RBM17: variants seen among roughly 807,000 people sequenced by gnomAD.
RBM17 encodes the protein splicing factor 45.
Under a neutral mutation model 53.2 loss-of-function variants are expected in RBM17, and 7 were observed. That is an observed-to-expected ratio of 0.13 (90% CI 0.07 to 0.25). The LOEUF is 0.25. Among genes scored for constraint, RBM17 ranks in the 10% least tolerant of loss-of-function variants. The pLI is 1.00. For missense variants in RBM17, 257 were observed against 496.7 expected (o/e 0.52, Z 4.59); for synonymous variants, 167 against 178.1 (o/e 0.94, Z 0.50).
At chr10:6,109,357 T>C (rs1449088938) in intron 6 of RBM17, among the ~76,000 whole-genome samples, 4 of 152,236 alleles carry the variant, frequency 2.6e-5, no homozygotes, top group Non-Finnish European at 5.9e-5. Flanking sequence ...TTAAAACTTG[T>C]TGAATTCTTT....
At chr10:6,093,250 A>G (rs1166076346) in intron 1 of RBM17, among the ~76,000 whole-genome samples, 5 of 151,960 alleles carry the variant, frequency 3.3e-5, no homozygotes, top group South Asian at 4.1e-4. Flanking sequence ...GTCTCGCTCT[A>G]TCATCCAGGC....
Position 6,108,714 on chromosome 10 carries a change from C to A in RBM17, c.534C>A (p.Pro178=), listed in dbSNP as rs12264240. ...TGGGCGGAGCTGCCATTGCCCCACC[C>A]ACTTCTCTGGTAGAGAAAGACAAAG... ...RSMGGAAIAP[P]TSLVEKDKEL... is the part of the protein sequence containing the mutation. Residue 178 remains proline (P), a synonymous_variant, in exon 6 of 12, where the codon CCC becomes CCA. Transcript: ENST00000379888. 6.9e-3 allele frequency: 11,150 copies of A among 1,612,534 alleles called. 226 individuals carry two copies. Among genetic ancestry groups the A allele is most frequent in the Admixed American group, 0.049 (2,942 of 59,964 alleles).
chr10:6,110,560 A>G (rs1349879727), intron 7 of RBM17, among the ~76,000 whole-genome samples: 1 of 152,134 alleles, frequency 6.6e-6, no homozygotes, highest in African/African-American at 2.4e-5. Flanking sequence ...CATTCTAACT[A>G]CAAGTTGACA....
intron 4 of RBM17, among the ~76,000 whole-genome samples, chr10:6,105,710 G>A (rs1564568034): frequency 1.3e-5 from 2 of 152,166 alleles, no homozygotes; most frequent in African/African-American, 2.4e-5. Context: ...GTAGTAGGAT[G>A]TATTTGTAGT....
chr10:6,092,404 G>A (rs1329693241), intron 1 of RBM17, among the ~76,000 whole-genome samples: 2 of 152,152 alleles, frequency 1.3e-5, no homozygotes, highest in African/African-American at 2.4e-5. Context: ...GCTTAATATA[G>A]CGAAAATAAA....
At chr10:6,103,558 T>G (rs1840701043) in intron 3 of RBM17, among the ~76,000 whole-genome samples, 1 of 152,254 alleles carries the variant, frequency 6.6e-6, no homozygotes, top group Non-Finnish European at 1.5e-5. Flanking sequence ...TTTTGTATTT[T>G]TTAAATGTCT....
rs145588908 is a variant in RBM17 at position 6,113,555 on chromosome 10, T to C, written c.904T>C (p.Cys302Arg). 1 of 1,613,128 alleles carries C rather than the reference T, an allele frequency of 6.2e-7. No homozygotes were observed. Among genetic ancestry groups the C allele is most frequent in the African/African-American group, 1.3e-5 (1 of 74,920 alleles). The change falls in exon 9 of 12, where the codon TGT becomes CGT. Residue 302 changes from cysteine to arginine, a missense_variant. Cys to Arg is a radical substitution (Grantham distance 180). This residue lies in a region of RBM17 where 49 missense variants were observed against 114.8 expected (regional missense o/e 0.43). Coordinates refer to ENST00000379888, the MANE Select transcript of RBM17 (RefSeq NM_032905.5). ...AAATCCGCTGACTGAAATACTTAAG[T>C]GTCCTACTAAAGTGGTCTTACTAAG... ...DSNPLTEILK[C>R]PTKVVLLRNM...
In RBM17 at chr10:6,115,321, A is replaced by G. The variant is rs764877166; in HGVS notation, c.1102+10A>G. The G allele has an allele frequency of 6.2e-7, 1 of 1,600,952 alleles. No homozygotes were observed. Among genetic ancestry groups the G allele is most frequent in the Non-Finnish European group, 8.6e-7 (1 of 1,168,564 alleles). ...GAATCAGCAATTAAAGGTTAGTGGT[A>G]CAGCTAAATATTAAAGAATAAAAAA... On this transcript the variant is annotated intron_variant, in intron 11 of 11. Transcript: ENST00000379888.
rs1221504658 is a variant in RBM17 at position 6,098,556 on chromosome 10, G to GTTTTTTTTTTTTTT, written c.123+1374_123+1375insTTTTTTTTTTTTTT. On this transcript the variant is annotated intron_variant, in intron 2 of 11. Transcript: ENST00000379888. Reference sequence around the variant, plus strand: ...GTTTGAAAATTTCCGTAATACACAGGTTTTTTGTTTTTTTTTTTTTTTTTT... The same window carrying GTTTTTTTTTTTTTT: ...GTTTGAAAATTTCCGTAATACACAGGTTTTTTTTTTTTTTTTTTTTGTTTTTTTTTTTTTTTTTT... Among the ~76,000 whole-genome samples the GTTTTTTTTTTTTTT allele has an allele frequency of 2.3e-4, 20 of 87,970 alleles. 3 individuals are homozygous for GTTTTTTTTTTTTTT. Among genetic ancestry groups the GTTTTTTTTTTTTTT allele is most frequent in the African/African-American group, 2.4e-4 (6 of 24,766 alleles). 57.7% of individuals were successfully genotyped at this position (87,970 alleles called of 152,430 possible).
intron 5 of RBM17, 159 bp downstream of exon 5, chr10:6,106,397 A>C: frequency 1.8e-6 from 1 of 568,208 alleles, no homozygotes; most frequent in Non-Finnish European, 3.2e-6. Flanking sequence ...TCACAGTTTT[A>C]ATTTATATTG....
chr10:6,105,215 A>G (rs1840730622), intron 4 of RBM17, 118 bp downstream of exon 4: 1 of 860,218 alleles, frequency 1.2e-6, no homozygotes, highest in Non-Finnish European at 1.8e-6. Context: ...TGATCTGAGC[A>G]GTCACTACAA....
In RBM17 at chr10:6,115,887, A is replaced by C. The variant is rs1004896254; in HGVS notation, c.*331A>C. ...TTTCTTGCACTAAAAAAAAAAAAAAAAAAAAAACTAGAAAGTTTTGGGACA... is the reference window on the plus strand; with the variant it reads ...TTTCTTGCACTAAAAAAAAAAAAAACAAAAAAACTAGAAAGTTTTGGGACA... On this transcript the variant is annotated 3_prime_UTR_variant, in exon 12 of 12. Transcript: ENST00000379888. The C allele has an allele frequency of 5.6e-6, 1 of 180,170 alleles. No individual in the cohort carries two copies. The highest frequency in any genetic ancestry group is 2.4e-5 in the African/African-American group (1 of 42,324). The allele number at this position is 180,170 out of a possible 1,614,324, so 11.2% of individuals were successfully genotyped here.
chr10:6,108,836 T>C (rs1840794280), intron 6 of RBM17, 94 bp downstream of exon 6: 3 of 958,454 alleles, frequency 3.1e-6, no homozygotes, highest in Non-Finnish European at 4.8e-6. Flanking sequence ...TTCCTGAGCG[T>C]AGAGGGAAAC....
chr10:6,107,912 G>T (rs185546332), intron 5 of RBM17, among the ~76,000 whole-genome samples: 4 of 152,136 alleles, frequency 2.6e-5, no homozygotes, highest in South Asian at 2.1e-4. Context: ...GTAATATTAT[G>T]TATACGTAAT....
chr10:6,098,783 C>T (rs547427298), intron 2 of RBM17, among the ~76,000 whole-genome samples: 9 of 152,090 alleles, frequency 5.9e-5, no homozygotes, highest in Admixed American at 2.6e-4. Flanking sequence ...TTCCTGACCT[C>T]GTGATCCGCC....
chr10:6,105,131 A>C, intron 4 of RBM17, 34 bp downstream of exon 4: 2 of 1,596,076 alleles, frequency 1.3e-6, no homozygotes, highest in Non-Finnish European at 1.7e-6. Flanking sequence ...GATATTTTAC[A>C]GTTGAAATGT....
chr10:6,110,059 A>G lies in RBM17; in HGVS notation c.636A>G (p.Pro212=), dbSNP rs940412122. 9.9e-6 allele frequency: 16 copies of G among 1,613,238 alleles called. No individual in the cohort carries two copies. The highest frequency in any genetic ancestry group is 1.4e-5 in the Non-Finnish European group (16 of 1,179,518). ...SQSSKAAIPP[P]VYEEQDRPRS... is the part of the protein sequence containing the mutation. ...CTTCCAAAGCAGCCATTCCTCCCCC[A>G]GTGTACGAGGAACAAGACAGACCGA... The change falls in exon 7 of 12, where the codon CCA becomes CCG. Residue 212 remains proline, a synonymous_variant. Coordinates refer to ENST00000379888, the MANE Select transcript of RBM17 (RefSeq NM_032905.5).
Position 6,115,872 on chromosome 10 carries a change from T to TA in RBM17, c.*338dup, listed in dbSNP as rs71390125. 2.3e-3 allele frequency: 316 copies of TA among 137,416 alleles called. 2 individuals carry two copies. Among genetic ancestry groups the TA allele is most frequent in the African/African-American group, 8.4e-3 (306 of 36,498 alleles). The allele number at this position is 137,416 out of a possible 1,614,324, so 8.5% of individuals were successfully genotyped here. A position where few individuals can be genotyped will look rare whatever the true frequency, so the allele number is the denominator to read the frequency against. On this transcript the variant is annotated 3_prime_UTR_variant, in exon 12 of 12. Transcript: ENST00000379888. ...TTCAATGATGCAGCATTTCTTGCAC[T>TA]AAAAAAAAAAAAAAAAAAAAAACTA...
At chr10:6,097,829 G>T (rs1840598694) in intron 2 of RBM17, among the ~76,000 whole-genome samples, 1 of 152,216 alleles carries the variant, frequency 6.6e-6, no homozygotes, top group African/African-American at 2.4e-5. Context: ...TGTAGTTCAG[G>T]CTGGAGCCCC....
Sources: allele counts gnomAD v4.1 joint callset (sites outside exome capture counted in the v4.1 genomes callset), GRCh38; gene constraint gnomAD v4.1.1; regional missense constraint gnomAD v4.1.1; transcripts MANE v1.5; gene names NCBI Gene and HGNC (gene_info 2026-07-23, HGNC 2026-07-21).